The following SYMPK variants were observed in gnomAD, a reference collection of about 807,000 sequenced individuals.
SYMPK encodes the protein symplekin scaffold protein, also known as symplekin.
In SYMPK, 49 loss-of-function variants were observed where a neutral mutation model predicts 136.4. The ratio of observed to expected loss-of-function variants is 0.36; its 90% CI spans 0.29 to 0.46. The LOEUF (loss-of-function observed/expected upper bound fraction) is 0.46. SYMPK is among the 20% of genes least tolerant of loss of function. SYMPK has a pLI of 1.00. For missense variants in SYMPK, 1,365 were observed against 1,690.0 expected, an observed-to-expected ratio of 0.81 and a Z score of 3.37; for synonymous variants, 766 against 713.0, an observed-to-expected ratio of 1.07 and a Z score of -1.19.
At chr19:45,818,687 G>GT (rs1393436909) in intron 22 of SYMPK, among the ~76,000 whole-genome samples, 1 of 152,180 alleles carries the variant, frequency 6.6e-6, no homozygotes, top group Non-Finnish European at 1.5e-5. Flanking sequence ...ATAGCGAAGG[G>GT]AGGGACAAGA....
intron 23 of SYMPK, among the ~76,000 whole-genome samples, 175 bp downstream of exon 23, chr19:45,817,784 T>TGGGAGCTGGCCCAGTCATACACCC (rs1312124340): frequency 2.0e-5 from 3 of 152,162 alleles, no homozygotes; most frequent in African/African-American, 7.2e-5. Context: ...CCTCATCACC[T>TGGGAGCTGGCCCAGTCATACACCC]GGGAGCTGGC....
chr19:45,854,273 C>A, intron 2 of SYMPK, 33 bp from the exon 3 acceptor site: 1 of 1,610,292 alleles, frequency 6.2e-7, no homozygotes, highest in Middle Eastern at 1.7e-4. Flanking sequence ...GGGATAGTGC[C>A]AGCCCAGTCC....
chr19:45,820,880 G>A (rs1018130133), intron 22 of SYMPK: 2 of 521,494 alleles, frequency 3.8e-6, no homozygotes, highest in African/African-American at 3.9e-5. Context: ...AGGCGTTCAG[G>A]GAGAGCCCAG....
In SYMPK at chr19:45,847,840, G is replaced by A. The variant is rs1255184553; in HGVS notation, c.588C>T (p.Pro196=). Residue 196 remains proline (P), a synonymous_variant, in exon 7 of 27, where the codon CCC becomes CCT. Transcript: ENST00000245934. Reference sequence around the variant, plus strand: ...GGGGTATCTCTGAGTCAGCCATGCGGGGTGACAGGGTGACAATGAGGCCCT... The same window carrying A: ...GGGGTATCTCTGAGTCAGCCATGCGAGGTGACAGGGTGACAATGAGGCCCT... ...FVEGLIVTLS[P]RMADSEIPRR... 10 of 1,614,072 alleles carry A rather than the reference G, an allele frequency of 6.2e-6. No homozygotes were observed. Among genetic ancestry groups the A allele is most frequent in the African/African-American group, 2.7e-5 (2 of 75,000 alleles).
rs953594980 is a variant in SYMPK, at chr19:45,852,175, G to C, written c.299+137C>G. 5.2e-5 allele frequency: 44 copies of C among 852,500 alleles called. No individual in the cohort carries two copies. In the Middle Eastern group the frequency reaches 1.4e-3, roughly 27 times the overall value. The allele number at this position is 852,500 out of a possible 1,614,324, so 52.8% of individuals were successfully genotyped here. On this transcript the variant is annotated intron_variant, in intron 5 of 26. Transcript: ENST00000245934. ...TCCATCTTATTAAGTATTTGCTGGG[G>C]AATCAGTGTGTATGAGAGAGAGAAA...
At chr19:45,834,533 C>T (rs1204070866) in intron 11 of SYMPK, among the ~76,000 whole-genome samples, 1 of 146,704 alleles carries the variant, frequency 6.8e-6, no homozygotes, top group African/African-American at 2.5e-5. Context: ...ATGAGCTAAA[C>T]ATAAATGAAT....
intron 19 of SYMPK, 98 bp from the exon 20 acceptor site, chr19:45,823,570 G>A: frequency 8.4e-7 from 1 of 1,191,526 alleles, no homozygotes; most frequent in South Asian, 1.3e-5. Flanking sequence ...GTGCAGGAAG[G>A]GATGGCAACT....
chr19:45,817,267 T>G, intron 23 of SYMPK: 12 of 383,836 alleles, frequency 3.1e-5, no homozygotes, highest in East Asian at 5.9e-5. Flanking sequence ...TCTCATGACA[T>G]TCTCACGGCA....
At chr19:45,816,716 C>T (rs527303631) in intron 24 of SYMPK, 82 bp downstream of exon 24, 32 of 1,489,020 alleles carry the variant, frequency 2.1e-5, no homozygotes, top group Non-Finnish European at 2.8e-5. Flanking sequence ...CATCCAGTCC[C>T]CACCAACCAG....
chr19:45,822,677 G>A lies in SYMPK; in HGVS notation c.2791+79C>T, dbSNP rs1009339546. The A allele has an allele frequency of 3.3e-6, 4 of 1,204,844 alleles. No homozygotes were observed. In the African/African-American group the frequency reaches 4.5e-5, roughly 13 times the overall value. 74.6% of individuals were successfully genotyped at this position (1,204,844 alleles called of 1,614,324 possible). A position where few individuals can be genotyped will look rare whatever the true frequency, so the allele number is the denominator to read the frequency against. The stretch of plus-strand genomic sequence containing the variant: ...CAGGATGTGCCCTCTCTCCCTGAGG[G>A]GGGTGCCTGCACCTTGCCTTCTGCC... On this transcript the variant is annotated intron_variant, in intron 21 of 26. Transcript: ENST00000245934.
intron 23 of SYMPK, 142 bp downstream of exon 23, chr19:45,817,817 T>A: frequency 1.2e-6 from 1 of 862,844 alleles, no homozygotes. Flanking sequence ...CCTGGAGCAC[T>A]GCTATTTTCT....
At chr19:45,825,442 GC>G in intron 17 of SYMPK, 111 bp from the exon 18 acceptor site, 2 of 1,349,550 alleles carry the variant, frequency 1.5e-6, no homozygotes, top group Non-Finnish European at 2.0e-6. Context: ...AGAGAAGGGA[GC>G]CGGGGCTGGG....
intron 7 of SYMPK, among the ~76,000 whole-genome samples, chr19:45,845,381 T>C (rs1287976740): frequency 6.6e-6 from 1 of 152,178 alleles, no homozygotes; most frequent in African/African-American, 2.4e-5. Flanking sequence ...CTGGTAACCA[T>C]CATTCTACCG....
chr19:45,818,869 G>C (rs957138551), intron 22 of SYMPK: 1 of 152,326 alleles, frequency 6.6e-6, no homozygotes, highest in Non-Finnish European at 1.5e-5. Context: ...GGCCCCAGGA[G>C]CTGCCTTTGA....
Position 45,821,509 on chromosome 19 carries a change from G to A in SYMPK, c.2792-24C>T, listed in dbSNP as rs149742495. ...ACCTGCAGCAGGCGGGAGGAAGGGT[G>A]GGGGAAGACAGTGCGGACGCATAAG... On this transcript the variant is annotated intron_variant, in intron 21 of 26. Coordinates refer to ENST00000245934, the MANE Select transcript of SYMPK (RefSeq NM_004819.3). This position sits in a 1 kb window ranked among gnomAD's most constrained non-coding sequence, Gnocchi z 4.4. 4.5e-6 allele frequency: 7 copies of A among 1,552,806 alleles called. No individual in the cohort carries two copies. Among genetic ancestry groups the A allele is most frequent in the South Asian group, 1.1e-5 (1 of 89,756 alleles).
intron 22 of SYMPK, among the ~76,000 whole-genome samples, chr19:45,818,579 A>C (rs1186621678): frequency 6.6e-6 from 1 of 152,178 alleles, no homozygotes; most frequent in East Asian, 1.9e-4. Context: ...GGGACTGCCC[A>C]CCCAGTCCTG....
At chr19:45,836,524 G>A (rs1027948043) in intron 10 of SYMPK, among the ~76,000 whole-genome samples, 8 of 151,560 alleles carry the variant, frequency 5.3e-5, no homozygotes, top group Admixed American at 2.6e-4. Flanking sequence ...CCAGCTACTC[G>A]GGAGGCTGAG....
At chr19:45,830,820 C>A (rs1270162681) in intron 12 of SYMPK, 1 of 152,054 alleles carries the variant, frequency 6.6e-6, no homozygotes, top group Non-Finnish European at 1.5e-5. Context: ...ACTCGGGAGG[C>A]GGAGCTTGCA....
intron 22 of SYMPK, 48 bp from the exon 23 acceptor site, chr19:45,818,194 CT>C (rs1288755604): frequency 1.4e-6 from 2 of 1,479,536 alleles, no homozygotes; most frequent in Admixed American, 4.4e-5. Flanking sequence ...CAGCTGCCCC[CT>C]GGGAGGTGGG....
Sources: gnomAD v4.1 joint callset for allele counts (sites outside exome capture counted in the v4.1 genomes callset) on GRCh38, gnomAD v4.1.1 for gene constraint, Gnocchi (gnomAD v3.1) non-coding constraint, MANE v1.5 for transcripts, NCBI Gene and HGNC (gene_info 2026-07-23, HGNC 2026-07-21) for gene names.